KIAA1217: variants seen among roughly 807,000 people sequenced by gnomAD.
The protein encoded by KIAA1217 is KIAA1217, also known as sickle tail protein homolog.
In KIAA1217, 88 loss-of-function variants were observed where a neutral mutation model predicts 163.9. That is an observed-to-expected ratio of 0.54 (90% CI 0.45 to 0.64). The LOEUF is 0.64. Among genes scored for constraint, KIAA1217 ranks in the 30% least tolerant of loss-of-function variants. The pLI is 0.00. For missense variants in KIAA1217, 2,372 were observed against 2,475.0 expected (o/e 0.96, Z 0.88); for synonymous variants, 903 against 923.1 (o/e 0.98, Z 0.39).
At chr10:24,180,594 A>G (rs1025311009) in intron 2 of KIAA1217, among the ~76,000 whole-genome samples, 1 of 151,732 alleles carries the variant, frequency 6.6e-6, no homozygotes. Flanking sequence ...CTCCTTCCCA[A>G]CCTTACCCAT....
At chr10:24,382,515 A>C (rs540049559) in intron 3 of KIAA1217, among the ~76,000 whole-genome samples, 1 of 151,806 alleles carries the variant, frequency 6.6e-6, no homozygotes, top group South Asian at 2.1e-4. Flanking sequence ...ATTTTGATCA[A>C]ATTAAGATCA....
At chr10:23,949,601 T>C (rs1416042384) in intron 1 of KIAA1217, among the ~76,000 whole-genome samples, 1 of 152,148 alleles carries the variant, frequency 6.6e-6, no homozygotes, top group Non-Finnish European at 1.5e-5. Flanking sequence ...TTGTTTTACC[T>C]TTTTTTAAGA....
intron 15 of KIAA1217, 100 bp downstream of exon 15, chr10:24,532,093 A>C (rs923393259): frequency 2.0e-5 from 22 of 1,123,244 alleles, no homozygotes; most frequent in African/African-American, 3.2e-5. Context: ...GAGGCAGAGA[A>C]GTAGTAACTC....
rs190789429 is a variant in KIAA1217, at chr10:23,894,998, G to C, written c.-320-112227G>C. Among the ~76,000 whole-genome samples, 24 of 152,260 alleles carry C rather than the reference G, an allele frequency of 1.6e-4. No individual in the cohort carries two copies. In the East Asian group the frequency reaches 4.6e-3, roughly 29 times the overall value. On this transcript the variant is annotated intron_variant, in intron 1 of 18. Coordinates refer to the KIAA1217 transcript ENST00000376462. ...CTGATACAAAAATTAATTCAAGATT[G>C]ATTAAAGACTTAAACGTTGGACCTA...
intron 1 of KIAA1217, among the ~76,000 whole-genome samples, chr10:23,882,660 T>C (rs923309020): frequency 1.3e-5 from 2 of 151,914 alleles, no homozygotes; most frequent in Non-Finnish European, 2.9e-5. Flanking sequence ...CTTCAATCTG[T>C]GTTCGTCACT....
chr10:24,387,102 A>G (rs540887870), intron 3 of KIAA1217, among the ~76,000 whole-genome samples: 1 of 152,328 alleles, frequency 6.6e-6, no homozygotes, highest in South Asian at 2.1e-4. Flanking sequence ...ACACAACAAA[A>G]AAAGAGAATT....
chr10:23,968,180 A>G (rs778613602), intron 1 of KIAA1217, among the ~76,000 whole-genome samples: 5 of 152,166 alleles, frequency 3.3e-5, no homozygotes, highest in Non-Finnish European at 4.4e-5. Flanking sequence ...ATTCATATGT[A>G]TGTGCATATA....
chr10:23,856,456 T>A (rs553323147), intron 1 of KIAA1217, among the ~76,000 whole-genome samples: 1 of 152,150 alleles, frequency 6.6e-6, no homozygotes, highest in Non-Finnish European at 1.5e-5. Context: ...TGCTCGGGGG[T>A]CAGGGGTCAG....
chr10:24,210,769 C>T (rs547696936), intron 1 of KIAA1217, among the ~76,000 whole-genome samples: 1 of 152,200 alleles, frequency 6.6e-6, no homozygotes, highest in South Asian at 2.1e-4. Flanking sequence ...AAAATACTTG[C>T]CTTCATTTAA....
At chr10:24,007,331 A>G (rs1478800177) in exon 2 of KIAA1217, 2 of 152,144 alleles carry the variant, frequency 1.3e-5, no homozygotes, top group Non-Finnish European at 2.9e-5. Context: ...AGACTGCATT[A>G]CTTCTCCATG....
intron 1 of KIAA1217, among the ~76,000 whole-genome samples, chr10:23,903,361 C>T: frequency 6.6e-6 from 1 of 151,946 alleles, no homozygotes; most frequent in East Asian, 1.9e-4. Context: ...TGGCTGAAAC[C>T]TCTATAACAA....
At chr10:24,380,362 A>T (rs1256695626) in intron 2 of KIAA1217, among the ~76,000 whole-genome samples, 2 of 152,018 alleles carry the variant, frequency 1.3e-5, no homozygotes, top group African/African-American at 4.8e-5. Flanking sequence ...GCAGCGGGTC[A>T]CGCCTATAAT....
At chr10:24,536,531 C>T (rs565872701) in intron 16 of KIAA1217, among the ~76,000 whole-genome samples, 1 of 152,168 alleles carries the variant, frequency 6.6e-6, no homozygotes, top group South Asian at 2.1e-4. Context: ...GTAGTAATGT[C>T]TATTTTATCT....
intron 2 of KIAA1217, among the ~76,000 whole-genome samples, chr10:24,161,511 G>A (rs761652695): frequency 5.9e-5 from 9 of 152,182 alleles, no homozygotes; most frequent in Non-Finnish European, 8.8e-5. Flanking sequence ...TTCTGTCCCT[G>A]TGTCTCCAAC....
chr10:23,841,293 AAAC>A (rs1447912656), intron 1 of KIAA1217, among the ~76,000 whole-genome samples: 9 of 152,204 alleles, frequency 5.9e-5, no homozygotes, highest in African/African-American at 1.4e-4. Flanking sequence ...AGAAAGAAAA[AAAC>A]AACAACTGTA....
intron 2 of KIAA1217, among the ~76,000 whole-genome samples, chr10:24,258,850 C>T (rs959903078): frequency 1.1e-4 from 16 of 152,266 alleles, no homozygotes; most frequent in African/African-American, 3.6e-4. Context: ...GCCTGGGCCT[C>T]CCAAAGTGCT....
At chr10:24,377,616 A>C (rs1396471179) in intron 2 of KIAA1217, among the ~76,000 whole-genome samples, 1 of 152,158 alleles carries the variant, frequency 6.6e-6, no homozygotes, top group Admixed American at 6.5e-5. Flanking sequence ...TACCACAGAG[A>C]GTAAGATTTC....
At position 24,306,022 on chromosome 10, in the gene KIAA1217, AAAG is replaced by A. The variant is rs548534716; in HGVS notation, c.355-74842_355-74840del. Among the ~76,000 whole-genome samples, 128 of 152,338 alleles carry A rather than the reference AAAG, an allele frequency of 8.4e-4. 1 individual carries two copies. Among genetic ancestry groups the A allele is most frequent in the African/African-American group, 3.0e-3 (124 of 41,572 alleles). ...TCTTACTATTGACGTCAGAGTTAAA[AAAG>A]AAGAGAGTTATATTCAAATTCTGGT... On this transcript the variant is annotated intron_variant, in intron 2 of 20. Transcript: ENST00000376454.
At chr10:24,074,034 A>G (rs2061282087) in intron 2 of KIAA1217, among the ~76,000 whole-genome samples, 1 of 152,064 alleles carries the variant, frequency 6.6e-6, no homozygotes, top group African/African-American at 2.4e-5. Flanking sequence ...GACTGTCTCT[A>G]TAAAGAAGGT....
Sources: gnomAD v4.1 joint callset for allele counts (sites outside exome capture counted in the v4.1 genomes callset) on GRCh38, gnomAD v4.1.1 for gene constraint, MANE v1.5 for transcripts, NCBI Gene and HGNC (gene_info 2026-07-23, HGNC 2026-07-21) for gene names.